DCC: variants seen among roughly 807,000 people sequenced by gnomAD.
DCC encodes DCC netrin 1 receptor, also known as netrin receptor DCC.
Under a neutral mutation model 172.5 loss-of-function variants are expected in DCC, and 58 were observed. The ratio of observed to expected loss-of-function variants is 0.34; its 90% confidence interval spans 0.27 to 0.42. The LOEUF (loss-of-function observed/expected upper bound fraction) is 0.42, where lower values mean the gene tolerates loss of function less well. Among genes scored for constraint, DCC ranks in the 10% least tolerant of loss-of-function variants. The pLI, the probability that DCC is intolerant of heterozygous loss-of-function variation, is 1.00. For synonymous variants in DCC, 709 were observed against 644.5 expected (o/e 1.10, Z -1.52); for missense variants, 1,740 against 1,791.0 (o/e 0.97, Z 0.51).
chr18:53,083,323 A>T (rs997249662), intron 7 of DCC, among the ~76,000 whole-genome samples: 1 of 152,156 alleles, frequency 6.6e-6, no homozygotes, highest in South Asian at 2.1e-4. Context: ...TCAATTGGCT[A>T]TAAGTAAAAT....
At chr18:53,238,710 G>T (rs2056241097) in intron 12 of DCC, among the ~76,000 whole-genome samples, 1 of 152,124 alleles carries the variant, frequency 6.6e-6, no homozygotes, top group Non-Finnish European at 1.5e-5. Context: ...GAGCCTAGAG[G>T]ACTGAGACAA....
chr18:53,417,424 C>G (rs2145069595), intron 21 of DCC, among the ~76,000 whole-genome samples: 1 of 149,400 alleles, frequency 6.7e-6, no homozygotes, highest in South Asian at 2.1e-4. Context: ...TGTTTTCATA[C>G]AATTAATATC....
chr18:52,669,219 C>T (rs976157812), intron 1 of DCC, among the ~76,000 whole-genome samples: 41 of 152,254 alleles, frequency 2.7e-4, no homozygotes, highest in African/African-American at 9.9e-4. Context: ...GTTTATCCAT[C>T]TTAGTGGTGC....
At chr18:53,278,105 C>A (rs1376924338) in intron 12 of DCC, among the ~76,000 whole-genome samples, 1 of 151,962 alleles carries the variant, frequency 6.6e-6, no homozygotes, top group Non-Finnish European at 1.5e-5. Context: ...TATGACTAGA[C>A]AAGTAGTGTA....
chr18:52,567,745 C>G (rs2033193698), intron 1 of DCC, among the ~76,000 whole-genome samples: 1 of 151,916 alleles, frequency 6.6e-6, no homozygotes, highest in African/African-American at 2.4e-5. Context: ...ACTACAAGCC[C>G]AGACTTTACT....
intron 1 of DCC, among the ~76,000 whole-genome samples, chr18:52,678,851 C>T (rs1411585260): frequency 2.0e-5 from 3 of 152,050 alleles, no homozygotes; most frequent in Admixed American, 2.0e-4. Flanking sequence ...TTTTCTCGCC[C>T]CATCCTTTTT....
At chr18:52,741,134 G>A (rs1399423621) in intron 1 of DCC, among the ~76,000 whole-genome samples, 1 of 152,192 alleles carries the variant, frequency 6.6e-6, no homozygotes, top group African/African-American at 2.4e-5. Flanking sequence ...AAATTGCTCT[G>A]TTAATCTCCT....
At chr18:53,255,677 A>G (rs750920511) in intron 12 of DCC, among the ~76,000 whole-genome samples, 1 of 151,824 alleles carries the variant, frequency 6.6e-6, no homozygotes, top group South Asian at 2.1e-4. Flanking sequence ...GTAAACATAC[A>G]TGTGCATGTC....
intron 22 of DCC, among the ~76,000 whole-genome samples, chr18:53,446,098 C>CAAAAAAAA (rs1246126122): frequency 4.4e-4 from 14 of 31,926 alleles, no homozygotes; most frequent in Non-Finnish European, 1.4e-3. Context: ...CCTGTCTCTA[C>CAAAAAAAA]AAAAAAAAAA....
At chr18:52,756,387 G>A (rs150447247) in intron 2 of DCC, among the ~76,000 whole-genome samples, 18 of 152,182 alleles carry the variant, frequency 1.2e-4, no homozygotes, top group Admixed American at 3.3e-4. Context: ...AGAGCTTTCC[G>A]CTGTTGCCAT....
In DCC at chr18:52,764,007, T is replaced by C. The variant is rs141147444; in HGVS notation, c.412+11633T>C. Among the ~76,000 whole-genome samples, 24 of 152,348 alleles carry C rather than the reference T, an allele frequency of 1.6e-4. 1 individual carries two copies. The East Asian group carries it at 3.9e-3, about 24-fold the overall frequency. ...TTGCTAATAATTCATTAATGAATGTTCTTGTATTTAGTAAATGCTCTTCTG... is the reference window on the plus strand; with the variant it reads ...TTGCTAATAATTCATTAATGAATGTCCTTGTATTTAGTAAATGCTCTTCTG... On this transcript the variant is annotated intron_variant, in intron 2 of 28. Transcript: ENST00000442544.
intron 1 of DCC, among the ~76,000 whole-genome samples, chr18:52,598,891 G>C (rs1189219019): frequency 1.3e-5 from 2 of 152,092 alleles, no homozygotes; most frequent in East Asian, 3.9e-4. Context: ...TTTCCAGAGG[G>C]GTGGAATGCC....
intron 1 of DCC, among the ~76,000 whole-genome samples, chr18:52,562,554 C>A (rs1443322726): frequency 1.3e-5 from 2 of 152,038 alleles, no homozygotes; most frequent in African/African-American, 4.8e-5. Flanking sequence ...GAAGAGTGGT[C>A]AATCATCATG....
rs150245693 is a variant in DCC, at chr18:52,933,031, C to T, written c.985+7661C>T. On this transcript the variant is annotated intron_variant, in intron 5 of 28. Coordinates refer to ENST00000442544, the MANE Select transcript of DCC (RefSeq NM_005215.4). ...AAGATATATGGGTGAAGTTAAATAC[C>T]CCTGTTAAACATTATTGTTTTGTAA... 1.1e-3 allele frequency among the ~76,000 whole-genome samples: 174 copies of T among 151,920 alleles called. 6 individuals are homozygous for T. In the East Asian group the frequency reaches 0.027, roughly 23 times the overall value.
rs146050693 is a variant in DCC at position 53,280,339 on chromosome 18, T to G, written c.1912-25239T>G. Among the ~76,000 whole-genome samples the G allele has an allele frequency of 4.6e-5, 7 of 152,276 alleles. No homozygotes were observed. In the East Asian group the frequency reaches 1.2e-3, roughly 25 times the overall value. ...ATTTCTGTTTACATTTCAGAGACAT[T>G]TGTAGGTTTTATTGTTGATGTTGAT... On this transcript the variant is annotated intron_variant, in intron 12 of 28. Transcript: ENST00000442544.
In DCC at chr18:52,867,998, T is replaced by C. The variant is rs115132772; in HGVS notation, c.413-38046T>C. Reference sequence around the variant, plus strand: ...CTTCCCATAAATACAAATAAGGCAATTGTTTTGAATGAGATTGCTAATATG... The same window carrying C: ...CTTCCCATAAATACAAATAAGGCAACTGTTTTGAATGAGATTGCTAATATG... On this transcript the variant is annotated intron_variant, in intron 2 of 28. Transcript: ENST00000442544. Among the ~76,000 whole-genome samples the C allele has an allele frequency of 4.9e-3, 741 of 151,686 alleles. 4 individuals carry two copies. The highest frequency in any genetic ancestry group is 0.017 in the African/African-American group (710 of 41,376).
chr18:52,912,695 C>A (rs1161596636), intron 3 of DCC, among the ~76,000 whole-genome samples: 1 of 151,952 alleles, frequency 6.6e-6, no homozygotes, highest in Non-Finnish European at 1.5e-5. Flanking sequence ...TCTTCATTAC[C>A]CATGAACAAT....
At chr18:52,694,237 CAA>C (rs2035975616) in intron 1 of DCC, among the ~76,000 whole-genome samples, 1 of 152,022 alleles carries the variant, frequency 6.6e-6, no homozygotes. Context: ...CCCAAACTGT[CAA>C]GGTGGTGAAA....
intron 1 of DCC, among the ~76,000 whole-genome samples, chr18:52,520,659 C>T (rs568343248): frequency 3.9e-5 from 6 of 152,064 alleles, no homozygotes; most frequent in African/African-American, 1.2e-4. Flanking sequence ...TAAATACAGT[C>T]GTTCAGATTG....
Sources: allele counts gnomAD v4.1 joint callset (sites outside exome capture counted in the v4.1 genomes callset), GRCh38; gene constraint gnomAD v4.1.1; transcripts MANE v1.5; gene names NCBI Gene and HGNC (gene_info 2026-07-23, HGNC 2026-07-21).